NPAS3: variants seen among roughly 807,000 people sequenced by gnomAD.
The protein encoded by NPAS3 is neuronal PAS domain-containing protein 3.
A neutral mutation model predicts 73.1 loss-of-function variants in NPAS3; 14 were observed. The ratio of observed to expected loss-of-function variants is 0.19; its 90% confidence interval spans 0.13 to 0.30. The LOEUF (loss-of-function observed/expected upper bound fraction) is 0.30. Ranked by LOEUF, NPAS3 falls within the 10% of genes least tolerant of loss-of-function variation. The probability of loss-of-function intolerance (pLI) is 1.00; values close to 1 mark genes in which losing one functional copy is unlikely to be tolerated. For missense variants in NPAS3, 1,096 were observed against 1,250.0 expected (o/e 0.88, Z 1.86); for synonymous variants, 620 against 541.5 (o/e 1.14, Z -2.01).
At chr14:33,583,578 T>C (rs556170837) in intron 5 of NPAS3, among the ~76,000 whole-genome samples, 1 of 152,336 alleles carries the variant, frequency 6.6e-6, no homozygotes, top group Admixed American at 6.5e-5. Context: ...AGTAGATGTT[T>C]AGGTACAATG....
chr14:33,598,506 G>GT (rs1443863078), intron 5 of NPAS3, among the ~76,000 whole-genome samples: 2 of 152,222 alleles, frequency 1.3e-5, no homozygotes, highest in African/African-American at 4.8e-5. Context: ...AATCCGAGCA[G>GT]TAGGCTTTGA....
intron 5 of NPAS3, among the ~76,000 whole-genome samples, chr14:33,580,025 A>G (rs2056600894): frequency 6.6e-6 from 1 of 152,214 alleles, no homozygotes; most frequent in Admixed American, 6.5e-5. Flanking sequence ...CATTTTATGA[A>G]CATACCTTTG....
chr14:33,014,708 T>C (rs770066331), intron 1 of NPAS3, among the ~76,000 whole-genome samples: 7 of 152,210 alleles, frequency 4.6e-5, no homozygotes, highest in Non-Finnish European at 1.0e-4. Context: ...GATTATTTTT[T>C]GATGAGGGAA....
intron 7 of NPAS3, among the ~76,000 whole-genome samples, chr14:33,747,337 A>G (rs1452689422): frequency 1.3e-5 from 2 of 152,202 alleles, no homozygotes; most frequent in Non-Finnish European, 2.9e-5. Flanking sequence ...CTATCGCAAG[A>G]ACAAAAAACC....
At chr14:33,404,432 A>G (rs183536123) in intron 4 of NPAS3, among the ~76,000 whole-genome samples, 194 of 152,288 alleles carry the variant, frequency 1.3e-3, no homozygotes, top group Middle Eastern at 6.8e-3. Flanking sequence ...GGCAGAAATC[A>G]TCTTTATTAA....
chr14:33,261,790 T>A (rs2048985118), intron 3 of NPAS3, among the ~76,000 whole-genome samples: 1 of 152,172 alleles, frequency 6.6e-6, no homozygotes, highest in South Asian at 2.1e-4. Context: ...TAATAGAGTT[T>A]GAAATTCACA....
At chr14:33,232,305 A>G (rs1398237718) in intron 3 of NPAS3, among the ~76,000 whole-genome samples, 1 of 152,182 alleles carries the variant, frequency 6.6e-6, no homozygotes, top group African/African-American at 2.4e-5. Context: ...CATCCCCACA[A>G]CAGAGCTTGT....
intron 3 of NPAS3, among the ~76,000 whole-genome samples, chr14:33,334,066 A>G (rs2044103875): frequency 6.6e-6 from 1 of 152,200 alleles, no homozygotes; most frequent in African/African-American, 2.4e-5. Context: ...TTGACTTGCC[A>G]TTGAGTCAAT....
intron 4 of NPAS3, among the ~76,000 whole-genome samples, chr14:33,488,446 A>G (rs1220697201): frequency 1.3e-5 from 2 of 152,162 alleles, no homozygotes; most frequent in Admixed American, 6.5e-5. Context: ...CACTAGTTCT[A>G]TCAGAGTAGT....
chr14:33,284,768 C>CTA (rs1041451069), intron 3 of NPAS3, among the ~76,000 whole-genome samples: 7 of 378 alleles, frequency 0.019, no homozygotes, highest in African/African-American at 0.11. Flanking sequence ...ATATCTATAT[C>CTA]TATCTATCTA....
chr14:33,560,096 T>C, intron 4 of NPAS3, 25 bp from the exon 5 acceptor site: 1 of 830,154 alleles, frequency 1.2e-6, no homozygotes, highest in Middle Eastern at 2.3e-4. Context: ...TTAATCTATT[T>C]ATATATTTAT....
At chr14:33,095,808 A>C (rs990836780) in intron 2 of NPAS3, among the ~76,000 whole-genome samples, 4 of 151,240 alleles carry the variant, frequency 2.6e-5, no homozygotes, top group Non-Finnish European at 5.9e-5. Context: ...AGCTGGGACT[A>C]CAGGCGCCCA....
intron 3 of NPAS3, among the ~76,000 whole-genome samples, chr14:33,258,528 G>A (rs1201776940): frequency 2.0e-5 from 3 of 152,186 alleles, no homozygotes; most frequent in African/African-American, 7.2e-5. Context: ...AATGAGTAAA[G>A]CTAATGTAGG....
At chr14:32,939,722 G>T (rs1360252526) in intron 1 of NPAS3, among the ~76,000 whole-genome samples, 5 of 152,072 alleles carry the variant, frequency 3.3e-5, no homozygotes, top group African/African-American at 4.8e-5. Context: ...CAGCAGCGAG[G>T]GTGGGGGGCC....
chr14:33,098,982 T>C (rs770050197), intron 2 of NPAS3, among the ~76,000 whole-genome samples: 11 of 152,232 alleles, frequency 7.2e-5, no homozygotes, highest in Admixed American at 2.0e-4. Context: ...TATGTTCCAG[T>C]AGCCAATCCT....
intron 6 of NPAS3, among the ~76,000 whole-genome samples, chr14:33,701,767 C>A (rs1428623980): frequency 1.3e-5 from 2 of 152,140 alleles, no homozygotes; most frequent in Non-Finnish European, 2.9e-5. Flanking sequence ...TTGAGTATTT[C>A]CAGTGTTCGT....
intron 7 of NPAS3, among the ~76,000 whole-genome samples, chr14:33,736,971 T>C (rs190757054): frequency 1.7e-3 from 266 of 152,336 alleles, no homozygotes; most frequent in African/African-American, 6.1e-3. Flanking sequence ...CTGGGCATGA[T>C]ATAGTTCACA....
chr14:33,414,676 C>T (rs979456690), intron 4 of NPAS3, among the ~76,000 whole-genome samples: 1 of 152,000 alleles, frequency 6.6e-6, no homozygotes, highest in East Asian at 1.9e-4. Context: ...ACAAGTGTTA[C>T]CACAAAGCAA....
At chr14:33,163,352 A>G (rs1172806859) in intron 2 of NPAS3, among the ~76,000 whole-genome samples, 1 of 152,244 alleles carries the variant, frequency 6.6e-6, no homozygotes, top group Admixed American at 6.5e-5. Context: ...GAGCTGGAGC[A>G]TGTAAGATAG....
Sources: allele counts gnomAD v4.1 joint callset (sites outside exome capture counted in the v4.1 genomes callset), GRCh38; gene constraint gnomAD v4.1.1; transcripts MANE v1.5; gene names NCBI Gene and HGNC (gene_info 2026-07-23, HGNC 2026-07-21).